The following UHRF2 variants were observed in gnomAD, a reference collection of about 807,000 sequenced individuals.
UHRF2 encodes ubiquitin like with PHD and ring finger domains 2.
UHRF2 carries 23 observed loss-of-function variants against 96.8 expected under a neutral mutation model. The observed-to-expected ratio is 0.24, with a 90% confidence interval of 0.17 to 0.34. UHRF2 has a LOEUF of 0.34. Among genes scored for constraint, UHRF2 ranks in the 10% least tolerant of loss-of-function variants. The probability of loss-of-function intolerance (pLI) is 1.00; values close to 1 mark genes in which losing one functional copy is unlikely to be tolerated. For synonymous variants in UHRF2, 385 were observed against 332.6 expected, an observed-to-expected ratio of 1.16 and a Z score of -1.72; for missense variants, 685 against 981.5, an observed-to-expected ratio of 0.70 and a Z score of 4.04.
intron 6 of UHRF2, among the ~76,000 whole-genome samples, chr9:6,479,147 C>G (rs1407550686): frequency 6.6e-6 from 1 of 152,108 alleles, no homozygotes; most frequent in Non-Finnish European, 1.5e-5. Flanking sequence ...GGCTGCCTAC[C>G]CCGTTCTCTG....
In UHRF2 at chr9:6,500,562, A is replaced by G; in HGVS notation, c.2016A>G (p.Pro672=). The part of the protein sequence containing the change: ...TKRPISDDDC[P]SASKVYKASD... ...TTAAAATAAATCTAGATGACTGTCC[A>G]AGTGCCTCCAAAGTGTACAAAGCAT... Residue 672 remains proline, a synonymous_variant, in exon 14 of 16, where the codon CCA becomes CCG. Transcript: ENST00000276893. 1.2e-6 allele frequency: 2 copies of G among 1,611,136 alleles called. No individual in the cohort carries two copies. Among genetic ancestry groups the G allele is most frequent in the Non-Finnish European group, 1.7e-6 (2 of 1,179,402 alleles).
chr9:6,443,601 A>G (rs1355674429), intron 3 of UHRF2, among the ~76,000 whole-genome samples: 1 of 152,228 alleles, frequency 6.6e-6, no homozygotes, highest in African/African-American at 2.4e-5. Context: ...CTTTCACAGA[A>G]CAGATACTAT....
chr9:6,426,090 C>T (rs1330551656), intron 2 of UHRF2, among the ~76,000 whole-genome samples: 3 of 152,212 alleles, frequency 2.0e-5, no homozygotes, highest in Non-Finnish European at 4.4e-5. Context: ...TTTGGGTCAA[C>T]TTAAATTTCT....
intron 10 of UHRF2, 140 bp from the exon 11 acceptor site, chr9:6,497,058 A>G: frequency 2.5e-6 from 2 of 812,106 alleles, no homozygotes; most frequent in South Asian, 2.1e-5. Flanking sequence ...GCATAATCCT[A>G]TTATCTGGAA....
At position 6,448,959 on chromosome 9, in the gene UHRF2, C is replaced by G. The variant is rs1821688305; in HGVS notation, c.645-11614C>G. Reference sequence around the variant, plus strand: ...AAATCTTTAAACATCGCAGAACAAGCAGTATCATGAGCCCATCACCTTGCT... The same window carrying G: ...AAATCTTTAAACATCGCAGAACAAGGAGTATCATGAGCCCATCACCTTGCT... On this transcript the variant is annotated intron_variant, in intron 3 of 15. Coordinates refer to ENST00000276893, the MANE Select transcript of UHRF2 (RefSeq NM_152896.3). Among the ~76,000 whole-genome samples, 3 of 152,194 alleles carry G rather than the reference C, an allele frequency of 2.0e-5. No individual in the cohort carries two copies. In the South Asian group the frequency reaches 6.2e-4, roughly 31 times the overall value.
chr9:6,421,278 G>C (rs772172853), intron 2 of UHRF2, 136 bp downstream of exon 2: 102 of 704,638 alleles, frequency 1.4e-4, no homozygotes, highest in Non-Finnish European at 2.1e-4. Flanking sequence ...ACTTTTAAAA[G>C]TAGTCTTTTA....
At chr9:6,449,823 C>T (rs2130814797) in intron 3 of UHRF2, among the ~76,000 whole-genome samples, 1 of 152,310 alleles carries the variant, frequency 6.6e-6, no homozygotes, top group East Asian at 1.9e-4. Flanking sequence ...CTCTAATCTG[C>T]CCTAGCAGAC....
intron 3 of UHRF2, among the ~76,000 whole-genome samples, chr9:6,435,796 A>G (rs1295105446): frequency 6.6e-6 from 1 of 151,986 alleles, no homozygotes; most frequent in Non-Finnish European, 1.5e-5. Flanking sequence ...TTTAGTAGAG[A>G]CAGGGTTTCA....
At position 6,480,776 on chromosome 9, in the gene UHRF2, C is replaced by T. The variant is rs138601485; in HGVS notation, c.1161-867C>T. On this transcript the variant is annotated intron_variant, in intron 6 of 15. Transcript: ENST00000276893. ...GGACTTTACTTCATAGTATTTAGTG[C>T]CTTCTCAAACATAATTTGCTCAAGA... Among the ~76,000 whole-genome samples, 316 of 152,266 alleles carry T rather than the reference C, an allele frequency of 2.1e-3. 1 individual carries two copies. The highest frequency in any genetic ancestry group is 7.3e-3 in the African/African-American group (305 of 41,576).
intron 2 of UHRF2, among the ~76,000 whole-genome samples, chr9:6,432,425 G>T (rs1370843333): frequency 6.6e-6 from 1 of 152,132 alleles, no homozygotes; most frequent in Non-Finnish European, 1.5e-5. Flanking sequence ...TGAAGTTCCT[G>T]TATACCTGTC....
intron 4 of UHRF2, among the ~76,000 whole-genome samples, chr9:6,463,759 C>T (rs1444243390): frequency 6.6e-6 from 1 of 152,006 alleles, no homozygotes; most frequent in Non-Finnish European, 1.5e-5. Flanking sequence ...GTATGAGCCA[C>T]CGTGTCTGGA....
chr9:6,469,738 A>G (rs35408061), intron 4 of UHRF2, among the ~76,000 whole-genome samples: 6,126 of 150,558 alleles, frequency 0.041, 152 homozygotes, highest in Middle Eastern at 0.085. Flanking sequence ...ATATACGTGT[A>G]TATATATACA....
intron 2 of UHRF2, among the ~76,000 whole-genome samples, chr9:6,425,999 G>C (rs1334183024): frequency 6.6e-6 from 1 of 152,054 alleles, no homozygotes; most frequent in Non-Finnish European, 1.5e-5. Context: ...TTGATTGTTT[G>C]GGCATTGACA....
At chr9:6,420,543 A>G (rs892364840) in intron 1 of UHRF2, among the ~76,000 whole-genome samples, 2 of 151,808 alleles carry the variant, frequency 1.3e-5, no homozygotes, top group African/African-American at 4.8e-5. Flanking sequence ...TCTACTAAAA[A>G]TACAAAAAAA....
chr9:6,498,320 G>T (rs1050547068), intron 12 of UHRF2, 162 bp downstream of exon 12: 9 of 796,448 alleles, frequency 1.1e-5, no homozygotes, highest in Non-Finnish European at 1.6e-5. Context: ...AAGAGAAAAG[G>T]TAGTATCCTA....
At chr9:6,431,153 A>C (rs1220197900) in intron 2 of UHRF2, among the ~76,000 whole-genome samples, 1 of 152,176 alleles carries the variant, frequency 6.6e-6, no homozygotes, top group Non-Finnish European at 1.5e-5. Flanking sequence ...TCTTGCATGC[A>C]TCTTGGCCTA....
At chr9:6,417,344 G>C (rs571851696) in intron 1 of UHRF2, among the ~76,000 whole-genome samples, 1 of 152,132 alleles carries the variant, frequency 6.6e-6, no homozygotes, top group Non-Finnish European at 1.5e-5. Flanking sequence ...GAGTATGGCA[G>C]TTCTCAAACA....
chr9:6,436,695 A>G (rs1184637232), intron 3 of UHRF2, among the ~76,000 whole-genome samples: 5 of 152,340 alleles, frequency 3.3e-5, no homozygotes, highest in South Asian at 2.1e-4. Context: ...AGACTATCCA[A>G]TGGATAGGAC....
chr9:6,443,210 C>A (rs996073323), intron 3 of UHRF2, among the ~76,000 whole-genome samples: 1 of 152,144 alleles, frequency 6.6e-6, no homozygotes, highest in Non-Finnish European at 1.5e-5. Flanking sequence ...TCGCCAGGAG[C>A]CTTTTCATAG....
Sources: gnomAD v4.1 joint callset for allele counts (sites outside exome capture counted in the v4.1 genomes callset) on GRCh38, gnomAD v4.1.1 for gene constraint, MANE v1.5 for transcripts, NCBI Gene and HGNC (gene_info 2026-07-23, HGNC 2026-07-21) for gene names.